The following MRTFA variants were observed in gnomAD, a reference collection of about 807,000 sequenced individuals.
The protein encoded by MRTFA is myocardin-related transcription factor A.
A neutral mutation model predicts 83.5 loss-of-function variants in MRTFA; 20 were observed. The ratio of observed to expected loss-of-function variants is 0.24; its 90% CI spans 0.17 to 0.35. The LOEUF is 0.35. Among genes scored for constraint, MRTFA ranks in the 10% least tolerant of loss-of-function variants. MRTFA has a pLI of 1.00. For missense variants in MRTFA, 1,200 were observed against 1,224.7 expected (o/e 0.98, Z 0.30); for synonymous variants, 659 against 541.2 (o/e 1.22, Z -3.02).
At chr22:40,467,429 G>C (rs929514882) in intron 3 of MRTFA, among the ~76,000 whole-genome samples, 1 of 152,080 alleles carries the variant, frequency 6.6e-6, no homozygotes, top group African/African-American at 2.4e-5. Flanking sequence ...TGGAGTTTTT[G>C]TTTCCTTGGT....
chr22:40,596,265 G>A, intron 1 of MRTFA, among the ~76,000 whole-genome samples: 1 of 152,234 alleles, frequency 6.6e-6, no homozygotes, highest in East Asian at 1.9e-4. Context: ...TCAGTTGGAA[G>A]AAGAAAGAAA....
At position 40,614,427 on chromosome 22, in the gene MRTFA, T is replaced by A. The variant is rs953934591; in HGVS notation, c.-83-19692A>T. The stretch of plus-strand genomic sequence containing the variant: ...CCCTGTCTCCAAAAAAAAAAAAAAA[T>A]ATTATATTTCCCTTGCAATTATGTT... On this transcript the variant is annotated intron_variant, in intron 1 of 14. Coordinates refer to ENST00000355630, the MANE Select transcript of MRTFA (RefSeq NM_020831.6). Among the ~76,000 whole-genome samples the A allele has an allele frequency of 5.4e-5, 8 of 148,984 alleles. No homozygotes were observed. The South Asian group carries it at 6.3e-4, about 12-fold the overall frequency.
chr22:40,426,076 C>T (rs996671280), intron 7 of MRTFA, among the ~76,000 whole-genome samples: 5 of 152,084 alleles, frequency 3.3e-5, no homozygotes, highest in South Asian at 2.1e-4. Context: ...TGAACCTTGA[C>T]GATAACTGAG....
chr22:40,511,315 T>C (rs2054664129), intron 3 of MRTFA, among the ~76,000 whole-genome samples: 1 of 152,182 alleles, frequency 6.6e-6, no homozygotes, highest in Non-Finnish European at 1.5e-5. Context: ...ATTTTCTGGC[T>C]AGGGCAACTG....
At chr22:40,628,078 A>C (rs2056601095) in intron 1 of MRTFA, among the ~76,000 whole-genome samples, 1 of 152,220 alleles carries the variant, frequency 6.6e-6, no homozygotes, top group Admixed American at 6.5e-5. Context: ...CTTATTTCAG[A>C]GTTCATATGA....
intron 3 of MRTFA, among the ~76,000 whole-genome samples, chr22:40,498,443 C>A (rs1428656739): frequency 6.7e-6 from 1 of 150,118 alleles, no homozygotes; most frequent in Non-Finnish European, 1.5e-5. Context: ...GCTACCATGC[C>A]CAGCTGATTT....
In MRTFA at chr22:40,545,724, C is replaced by T. The variant is rs560955310; in HGVS notation, c.241+6382G>A. 9.3e-4 allele frequency among the ~76,000 whole-genome samples: 122 copies of T among 131,870 alleles called. 1 individual carries two copies. Among genetic ancestry groups the T allele is most frequent in the Non-Finnish European group, 1.6e-3 (96 of 61,618 alleles). The allele number at this position is 131,870 out of a possible 152,430, so 86.5% of individuals were successfully genotyped here. On this transcript the variant is annotated intron_variant, in intron 3 of 14. Coordinates refer to ENST00000355630, the MANE Select transcript of MRTFA (RefSeq NM_020831.6). ...CTGGGATTACAGGCGTGAGCCACCACGCCCGGCCATTTTTTTCTTTTTTTT... is the reference window on the plus strand; with the variant it reads ...CTGGGATTACAGGCGTGAGCCACCATGCCCGGCCATTTTTTTCTTTTTTTT...
chr22:40,536,184 T>A (rs1034971141), intron 3 of MRTFA, among the ~76,000 whole-genome samples: 1 of 150,642 alleles, frequency 6.6e-6, no homozygotes, highest in African/African-American at 2.4e-5. Context: ...CTGTCTGTAG[T>A]CCCAGCTACT....
At chr22:40,622,481 CA>C (rs133041) in intron 1 of MRTFA, among the ~76,000 whole-genome samples, 38 of 133,796 alleles carry the variant, frequency 2.8e-4, no homozygotes, top group African/African-American at 5.7e-4. Context: ...ACTCCCATCT[CA>C]AAAAAAAAAA....
At chr22:40,504,672 G>GT (rs1186637498) in intron 3 of MRTFA, among the ~76,000 whole-genome samples, 1 of 152,196 alleles carries the variant, frequency 6.6e-6, no homozygotes, top group African/African-American at 2.4e-5. Flanking sequence ...GAGGAAAGCA[G>GT]TTACTTATGT....
intron 3 of MRTFA, among the ~76,000 whole-genome samples, chr22:40,490,496 G>A (rs190870539): frequency 1.2e-4 from 18 of 152,076 alleles, no homozygotes; most frequent in South Asian, 4.2e-4. Flanking sequence ...CTACTCGGGA[G>A]GCTGAAGCAG....
intron 1 of MRTFA, among the ~76,000 whole-genome samples, chr22:40,610,258 G>T (rs2056371956): frequency 6.6e-6 from 1 of 151,954 alleles, no homozygotes; most frequent in East Asian, 1.9e-4. Context: ...ATGTTGGGCA[G>T]GCTGGTCTCA....
chr22:40,619,415 T>G (rs545443566), intron 1 of MRTFA, among the ~76,000 whole-genome samples: 2 of 152,276 alleles, frequency 1.3e-5, no homozygotes, highest in African/African-American at 4.8e-5. Flanking sequence ...AAGACGATCC[T>G]CGTTTTACAG....
At chr22:40,459,822 C>CACACACATATACAT (rs1308675939) in intron 4 of MRTFA, among the ~76,000 whole-genome samples, 1 of 68,258 alleles carries the variant, frequency 1.5e-5, no homozygotes, top group South Asian at 6.7e-4. Context: ...CACACACACA[C>CACACACATATACAT]ATATATACAT....
intron 3 of MRTFA, among the ~76,000 whole-genome samples, chr22:40,510,741 AAC>A (rs2054653763): frequency 6.6e-6 from 1 of 152,162 alleles, no homozygotes; most frequent in South Asian, 2.1e-4. Context: ...GTATGCAGTA[AAC>A]ATAAGGAGAG....
At chr22:40,557,401 GAT>G (rs2055540219) in intron 2 of MRTFA, among the ~76,000 whole-genome samples, 1 of 152,146 alleles carries the variant, frequency 6.6e-6, no homozygotes, top group African/African-American at 2.4e-5. Context: ...AGACTTAACT[GAT>G]ATTTCTGATA....
At chr22:40,456,536 A>G (rs2053589336) in intron 4 of MRTFA, among the ~76,000 whole-genome samples, 1 of 152,094 alleles carries the variant, frequency 6.6e-6, no homozygotes, top group South Asian at 2.1e-4. Context: ...AATAATACAA[A>G]AACTAGCTGG....
intron 2 of MRTFA, among the ~76,000 whole-genome samples, chr22:40,582,542 T>C (rs2055962356): frequency 6.6e-6 from 1 of 152,066 alleles, no homozygotes; most frequent in Non-Finnish European, 1.5e-5. Context: ...TTCCTATGAG[T>C]TGCTTTAATC....
chr22:40,618,019 A>G (rs974351213), intron 1 of MRTFA, among the ~76,000 whole-genome samples: 9 of 152,008 alleles, frequency 5.9e-5, no homozygotes, highest in Admixed American at 5.9e-4. Context: ...CTTCTGGAGA[A>G]AAGTGAAGCA....
Sources: gnomAD v4.1 joint callset for allele counts (sites outside exome capture counted in the v4.1 genomes callset) on GRCh38, gnomAD v4.1.1 for gene constraint, MANE v1.5 for transcripts, NCBI Gene and HGNC (gene_info 2026-07-23, HGNC 2026-07-21) for gene names.